The following TXN variants were observed in gnomAD, a reference collection of about 807,000 sequenced individuals.
The protein encoded by TXN is thioredoxin.
TXN carries 10 observed loss-of-function variants against 16.5 expected under a neutral mutation model. The ratio of observed to expected loss-of-function variants is 0.61; its 90% CI spans 0.37 to 1.03. The LOEUF (loss-of-function observed/expected upper bound fraction) is 1.03. Among genes scored for constraint, TXN ranks in the 50% least tolerant of loss-of-function variants. TXN has a pLI of 0.01. For missense variants in TXN, 71 were observed against 122.5 expected (o/e 0.58, Z 1.98); for synonymous variants, 35 against 39.4 (o/e 0.89, Z 0.42).
rs1837611461 is a variant in TXN, at chr9:110,243,933, A to G, written c.*224T>C. The G allele has an allele frequency of 3.8e-6, 1 of 265,938 alleles. No individual in the cohort carries two copies. The highest frequency in any genetic ancestry group is 1.3e-4 in the South Asian group (1 of 7,716). The allele number at this position is 265,938 out of a possible 1,614,324, so 16.5% of individuals were successfully genotyped here. On this transcript the variant is annotated 3_prime_UTR_variant, in exon 5 of 5. Coordinates refer to ENST00000374517, the MANE Select transcript of TXN (RefSeq NM_003329.4). ...AAAATAATCAGTGGCCTACAAGGTT[A>G]CTAAAAAGTGATTGAGAATATAGGA...
In TXN at chr9:110,251,255, C is replaced by T. The variant is rs80275510; in HGVS notation, c.129+103G>A. ...CAAAGATCCAGCCAAAGAAATCCCCCCACCGAAACCAAAATCCTTTAACTG... is the reference window on the plus strand; with the variant it reads ...CAAAGATCCAGCCAAAGAAATCCCCTCACCGAAACCAAAATCCTTTAACTG... On this transcript the variant is annotated intron_variant, in intron 2 of 4. Coordinates refer to ENST00000374517, the MANE Select transcript of TXN (RefSeq NM_003329.4). 2.4e-3 allele frequency: 2,056 copies of T among 848,626 alleles called. 2 individuals are homozygous for T. Among genetic ancestry groups the T allele is most frequent in the Non-Finnish European group, 3.3e-3 (1,652 of 508,070 alleles). 52.6% of individuals were successfully genotyped at this position (848,626 alleles called of 1,614,324 possible).
At chr9:110,253,411 C>T (rs1468357484) in intron 1 of TXN, among the ~76,000 whole-genome samples, 1 of 152,064 alleles carries the variant, frequency 6.6e-6, no homozygotes, top group Non-Finnish European at 1.5e-5. Flanking sequence ...CTTATTGTTC[C>T]AGATCAATTT....
chr9:110,246,207 C>G (rs768040156), intron 3 of TXN, among the ~76,000 whole-genome samples: 3 of 152,130 alleles, frequency 2.0e-5, no homozygotes, highest in Non-Finnish European at 2.9e-5. Context: ...GATGCTCTAA[C>G]CTTTGAAAGC....
At chr9:110,244,734 T>C in intron 4 of TXN, 44 bp downstream of exon 4, 1 of 1,480,752 alleles carries the variant, frequency 6.8e-7, no homozygotes, top group Non-Finnish European at 9.4e-7. Flanking sequence ...TTATACTGGG[T>C]TTCCTATTGC....
chr9:110,244,299 TTATATATATACATATACA>T, intron 4 of TXN, 80 bp from the exon 5 acceptor site: 1 of 367,000 alleles, frequency 2.7e-6, no homozygotes, highest in South Asian at 6.2e-5. Flanking sequence ...AAATATGTAT[TTATATATATACATATACA>T]TATGTATATA....
Position 110,246,038 on chromosome 9 carries a change from C to T in TXN, c.190-1195G>A, listed in dbSNP as rs138107960. 5.6e-3 allele frequency among the ~76,000 whole-genome samples: 850 copies of T among 152,120 alleles called. 2 individuals are homozygous for T. The highest frequency in any genetic ancestry group is 9.1e-3 in the Non-Finnish European group (620 of 68,002). On this transcript the variant is annotated intron_variant, in intron 3 of 4. Transcript: ENST00000374517. Reference sequence around the variant, plus strand: ...TGAGATCATGCCACTGTATTCCAGCCTGGGCGACAGAATGAGACTATCTCG... The same window carrying T: ...TGAGATCATGCCACTGTATTCCAGCTTGGGCGACAGAATGAGACTATCTCG...
intron 3 of TXN, among the ~76,000 whole-genome samples, chr9:110,245,618 C>CCATATATA (rs1425530609): frequency 3.2e-5 from 1 of 30,890 alleles, no homozygotes; most frequent in African/African-American, 1.4e-4. Context: ...CACACACACA[C>CCATATATA]TATATATATA....
At chr9:110,250,272 C>A (rs1045326080) in intron 3 of TXN, among the ~76,000 whole-genome samples, 7 of 152,202 alleles carry the variant, frequency 4.6e-5, no homozygotes, top group African/African-American at 1.7e-4. Flanking sequence ...CTGGTATATA[C>A]CTAGTGCAAA....
chr9:110,252,027 C>T (rs1837745612), intron 1 of TXN, among the ~76,000 whole-genome samples: 1 of 151,926 alleles, frequency 6.6e-6, no homozygotes, highest in South Asian at 2.1e-4. Flanking sequence ...AGTTCGAGAC[C>T]AGCCTGGCCA....
intron 1 of TXN, among the ~76,000 whole-genome samples, chr9:110,255,991 C>A (rs4135159): frequency 0.17 from 26,056 of 152,142 alleles, 3,288 homozygotes; most frequent in East Asian, 0.6. Flanking sequence ...GGGCCAAGGG[C>A]GGACCCCTTC....
intron 1 of TXN, among the ~76,000 whole-genome samples, chr9:110,254,479 G>C (rs762358274): frequency 6.6e-6 from 1 of 152,208 alleles, no homozygotes; most frequent in Non-Finnish European, 1.5e-5. Context: ...CCGAGATCGC[G>C]CCACTGTACT....
In TXN at chr9:110,244,791, T is replaced by C. The variant is rs1209451841; in HGVS notation, c.242A>G (p.Lys81Arg). The C allele has an allele frequency of 1.2e-6, 2 of 1,612,996 alleles. No homozygotes were observed. The highest frequency in any genetic ancestry group is 8.5e-7 in the Non-Finnish European group (1 of 1,179,172). Reference sequence around the variant, plus strand: ...AGATGTACGTACCTTTTGTCCCTTCTTAAAAAACTGGAATGTTGGCATGCA... The same window carrying C: ...AGATGTACGTACCTTTTGTCCCTTCCTAAAAAACTGGAATGTTGGCATGCA... ...VKCMPTFQFF[K>R]KGQKVGEFSG... The change falls in exon 4 of 5, where the codon AAG (lysine) becomes AGG (arginine). Residue 81 changes from lysine (K) to arginine (R), a missense_variant. Coordinates refer to ENST00000374517, the MANE Select transcript of TXN (RefSeq NM_003329.4).
rs71302631 is a variant in TXN, at chr9:110,249,125, C to CAAA, written c.189+1692_189+1694dup. ...CCAGGTGACAGAGTGAACTCCATCT[C>CAAA]AAAAAAAAAAAAAAAAAAAAAAAAA... On this transcript the variant is annotated intron_variant, in intron 3 of 4. Coordinates refer to ENST00000374517, the MANE Select transcript of TXN (RefSeq NM_003329.4). Among the ~76,000 whole-genome samples, 222 of 53,834 alleles carry CAAA rather than the reference C, an allele frequency of 4.1e-3. 24 individuals are homozygous for CAAA. The highest frequency in any genetic ancestry group is 0.011 in the African/African-American group (157 of 14,488). 35.3% of individuals were successfully genotyped at this position (53,834 alleles called of 152,430 possible). A position where few individuals can be genotyped will look rare whatever the true frequency, so the allele number is the denominator to read the frequency against.
At chr9:110,251,216 TA>T in intron 2 of TXN, 141 bp downstream of exon 2, 1 of 687,852 alleles carries the variant, frequency 1.5e-6, no homozygotes, top group South Asian at 1.6e-5. Context: ...TTTGTTATAC[TA>T]CTACTTTTAG....
chr9:110,250,984 T>A, intron 2 of TXN, 105 bp from the exon 3 acceptor site: 1 of 814,660 alleles, frequency 1.2e-6, no homozygotes, highest in Non-Finnish European at 2.0e-6. Context: ...AGAGACTAAT[T>A]AAAGATCCAA....
rs563213367 is a variant in TXN at position 110,256,053 on chromosome 9, G to A, written c.24+359C>T. On this transcript the variant is annotated intron_variant, in intron 1 of 4. Transcript: ENST00000374517. This position sits in a 1 kb window ranked among gnomAD's most constrained non-coding sequence, Gnocchi z 4.2. ...GCTGCCCGGACGGGAGGGTGCAGGA[G>A]GCGCAGCGTGGGGACTCCTCACGCT... Among the ~76,000 whole-genome samples, 2 of 152,336 alleles carry A rather than the reference G, an allele frequency of 1.3e-5. No homozygotes were observed. Among genetic ancestry groups the A allele is most frequent in the Non-Finnish European group, 2.9e-5 (2 of 68,004 alleles).
At chr9:110,246,754 A>G (rs544969740) in intron 3 of TXN, among the ~76,000 whole-genome samples, 1 of 152,214 alleles carries the variant, frequency 6.6e-6, no homozygotes, top group Non-Finnish European at 1.5e-5. Context: ...CCTGCTGAGC[A>G]TGAAAGTACA....
At chr9:110,253,824 A>C (rs1837771793) in intron 1 of TXN, among the ~76,000 whole-genome samples, 1 of 152,212 alleles carries the variant, frequency 6.6e-6, no homozygotes, top group Admixed American at 6.5e-5. Context: ...AGAAGAAATC[A>C]CAATTTCTAG....
At chr9:110,255,952 C>T (rs545752824) in intron 1 of TXN, among the ~76,000 whole-genome samples, 2 of 152,194 alleles carry the variant, frequency 1.3e-5, no homozygotes, top group Non-Finnish European at 1.5e-5. Flanking sequence ...CCTATCCTTG[C>T]CTGGGGCCTG....
Sources: allele counts gnomAD v4.1 joint callset (sites outside exome capture counted in the v4.1 genomes callset), GRCh38; gene constraint gnomAD v4.1.1; non-coding constraint Gnocchi (gnomAD v3.1); transcripts MANE v1.5; gene names NCBI Gene and HGNC (gene_info 2026-07-23, HGNC 2026-07-21).